Variants in AFAP1L2 observed in about 807,000 individuals in gnomAD.
AFAP1L2 encodes actin filament-associated protein 1-like 2.
In AFAP1L2, 46 loss-of-function variants were observed where a neutral mutation model predicts 99.3. The ratio of observed to expected loss-of-function variants is 0.46; its 90% CI spans 0.37 to 0.59. The LOEUF (loss-of-function observed/expected upper bound fraction) is 0.59. Among genes scored for constraint, AFAP1L2 ranks in the 20% least tolerant of loss-of-function variants. AFAP1L2 has a pLI of 0.00. For missense variants in AFAP1L2, 959 were observed against 1,034.9 expected (o/e 0.93, Z 1.01); for synonymous variants, 397 against 419.1 (o/e 0.95, Z 0.64).
intron 1 of AFAP1L2, among the ~76,000 whole-genome samples, chr10:114,388,195 A>T (rs2056740620): frequency 6.6e-6 from 1 of 152,098 alleles, no homozygotes; most frequent in African/African-American, 2.4e-5. Flanking sequence ...GCTCAGTTTC[A>T]CTGCATGAAA....
chr10:114,381,794 C>T (rs1269506822), intron 1 of AFAP1L2, among the ~76,000 whole-genome samples: 2 of 152,018 alleles, frequency 1.3e-5, no homozygotes, highest in Non-Finnish European at 2.9e-5. Flanking sequence ...CTCCTTCACA[C>T]ATAAAAAGCT....
intron 6 of AFAP1L2, 134 bp from the exon 7 acceptor site, chr10:114,314,184 A>T: frequency 1.2e-6 from 1 of 807,788 alleles, no homozygotes; most frequent in East Asian, 2.6e-5. Context: ...AAGAGGCTGG[A>T]CACCCCGAAG....
chr10:114,296,304 G>A (rs796727411), intron 18 of AFAP1L2: 1 of 548,962 alleles, frequency 1.8e-6, no homozygotes, highest in South Asian at 2.4e-5. Context: ...CAACAAGGGA[G>A]TGGAGGTTCA....
At position 114,300,429 on chromosome 10, in the gene AFAP1L2, C is replaced by T. The variant is rs1215878798; in HGVS notation, c.1788+16G>A. On this transcript the variant is annotated intron_variant, in intron 14 of 18. Transcript: ENST00000304129. ...GCAGGAAGGTGGTCTTGCTGTCCTG[C>T]AGGGGAGGCCTGTACCTGTTCTCCC... The T allele has an allele frequency of 5.4e-6, 8 of 1,479,576 alleles. No individual in the cohort carries two copies. The highest frequency in any genetic ancestry group is 6.2e-6 in the Non-Finnish European group (7 of 1,120,826). 91.7% of individuals were successfully genotyped at this position (1,479,576 alleles called of 1,614,324 possible). A position where few individuals can be genotyped will look rare whatever the true frequency, so the allele number is the denominator to read the frequency against.
chr10:114,322,351 A>C (rs2045491576), intron 5 of AFAP1L2, among the ~76,000 whole-genome samples: 1 of 152,116 alleles, frequency 6.6e-6, no homozygotes, highest in Non-Finnish European at 1.5e-5. Flanking sequence ...TGTGGCTGGC[A>C]GCCCCATCTG....
At chr10:114,285,217 C>T in the AFAP1L2 span, among the ~76,000 whole-genome samples, 1 of 152,168 alleles carries the variant, frequency 6.6e-6, no homozygotes, top group East Asian at 1.9e-4. Flanking sequence ...ATGGTCACTG[C>T]TTGAAGTTTG....
At chr10:114,380,212 G>C (rs2055423570) in intron 1 of AFAP1L2, among the ~76,000 whole-genome samples, 1 of 152,170 alleles carries the variant, frequency 6.6e-6, no homozygotes, top group Non-Finnish European at 1.5e-5. Context: ...GAAAGCCAAT[G>C]GCTCCAGTGA....
At position 114,323,883 on chromosome 10, in the gene AFAP1L2, G is replaced by C. The variant is rs141863474; in HGVS notation, c.316-622C>G. 3.5e-3 allele frequency among the ~76,000 whole-genome samples: 526 copies of C among 152,282 alleles called. 4 individuals carry two copies. Among genetic ancestry groups the C allele is most frequent in the African/African-American group, 0.012 (494 of 41,562 alleles). On this transcript the variant is annotated intron_variant, in intron 4 of 18. Coordinates refer to ENST00000304129, the MANE Select transcript of AFAP1L2 (RefSeq NM_001001936.3). ...GATATAGTAGTGCTATAATGGACAA[G>C]GTCAAAGTTCTGTGAGAACCACAGG... is the stretch of plus-strand genomic sequence containing the variant.
At chr10:114,373,681 G>C (rs562441396) in intron 1 of AFAP1L2, among the ~76,000 whole-genome samples, 46 of 152,146 alleles carry the variant, frequency 3.0e-4, no homozygotes, top group Admixed American at 9.8e-4. Context: ...AAAAATTTCA[G>C]TTCCAGCACT....
chr10:114,331,558 C>A (rs1290374539), intron 4 of AFAP1L2, among the ~76,000 whole-genome samples: 1 of 152,170 alleles, frequency 6.6e-6, no homozygotes, highest in Non-Finnish European at 1.5e-5. Context: ...TGAGTAGCGT[C>A]AGGTGGCACT....
In AFAP1L2 at chr10:114,370,506, T is replaced by C. The variant is rs1037524316; in HGVS notation, c.17-29775A>G. ...ATCCTAGGCTCAGGACAAAATGCAG[T>C]GCAGGGTCCACAGAAGGCTGGAAGA... On this transcript the variant is annotated intron_variant, in intron 1 of 18. Coordinates refer to ENST00000304129, the MANE Select transcript of AFAP1L2 (RefSeq NM_001001936.3). 2.6e-5 allele frequency among the ~76,000 whole-genome samples: 4 copies of C among 152,214 alleles called. No individual in the cohort carries two copies. The South Asian group carries it at 8.3e-4, about 32-fold the overall frequency.
chr10:114,355,255 TC>T (rs141775321), intron 1 of AFAP1L2, among the ~76,000 whole-genome samples: 28 of 91,942 alleles, frequency 3.0e-4, no homozygotes, highest in African/African-American at 1.8e-3. Context: ...TCTCGCTCTC[TC>T]TTTTTTTTTT....
chr10:114,362,508 C>T, intron 1 of AFAP1L2, among the ~76,000 whole-genome samples: 1 of 152,160 alleles, frequency 6.6e-6, no homozygotes, highest in African/African-American at 2.4e-5. Context: ...GGCCAAGGAA[C>T]ACAGGGCACT....
At chr10:114,326,626 A>G (rs1427527414) in intron 4 of AFAP1L2, among the ~76,000 whole-genome samples, 1 of 152,130 alleles carries the variant, frequency 6.6e-6, no homozygotes, top group East Asian at 1.9e-4. Flanking sequence ...CAAAATCTGA[A>G]AATGGCTCAC....
intron 1 of AFAP1L2, among the ~76,000 whole-genome samples, chr10:114,356,871 C>G (rs1406428143): frequency 6.6e-6 from 1 of 152,102 alleles, no homozygotes; most frequent in Non-Finnish European, 1.5e-5. Context: ...CATGATTTAC[C>G]AAGGTGAGAA....
intron 11 of AFAP1L2, among the ~76,000 whole-genome samples, chr10:114,303,419 T>G (rs139227544): frequency 0.011 from 1,691 of 152,314 alleles, 16 homozygotes; most frequent in Middle Eastern, 0.024. Context: ...GCAATTCTCC[T>G]GTGTCAGCCT....
At chr10:114,387,409 C>T (rs1045906478) in intron 1 of AFAP1L2, among the ~76,000 whole-genome samples, 4 of 152,170 alleles carry the variant, frequency 2.6e-5, no homozygotes, top group African/African-American at 7.2e-5. Context: ...TCAGCTTCCC[C>T]TGCCCCACAT....
At chr10:114,358,105 C>G (rs1267820413) in intron 1 of AFAP1L2, among the ~76,000 whole-genome samples, 2 of 152,148 alleles carry the variant, frequency 1.3e-5, no homozygotes, top group African/African-American at 2.4e-5. Context: ...AATAAACAAG[C>G]CTCTCTTTTG....
intron 17 of AFAP1L2, 51 bp from the exon 18 acceptor site, chr10:114,297,151 A>ACCCCC: frequency 2.6e-6 from 3 of 1,164,736 alleles, no homozygotes; most frequent in Non-Finnish European, 3.7e-6. Flanking sequence ...GGGAGATGTG[A>ACCCCC]CCCACCCACC....
Sources: gnomAD v4.1 joint callset for allele counts (sites outside exome capture counted in the v4.1 genomes callset) on GRCh38, gnomAD v4.1.1 for gene constraint, MANE v1.5 for transcripts, NCBI Gene and HGNC (gene_info 2026-07-23, HGNC 2026-07-21) for gene names.